Variants in XKR7 observed in about 807,000 individuals in gnomAD.
XKR7 encodes XK-related protein 7.
In XKR7, 11 loss-of-function variants were observed where a neutral mutation model predicts 42.2. The ratio of observed to expected loss-of-function variants is 0.26; its 90% confidence interval spans 0.16 to 0.43. The LOEUF is 0.43. XKR7 is among the 20% of genes least tolerant of loss of function. The pLI is 1.00. For missense variants in XKR7, 710 were observed against 802.2 expected, an observed-to-expected ratio of 0.89 and a Z score of 1.39; for synonymous variants, 346 against 366.4, an observed-to-expected ratio of 0.94 and a Z score of 0.64.
At chr20:31,988,163 G>A (rs147756898) in intron 1 of XKR7, among the ~76,000 whole-genome samples, 1 of 152,278 alleles carries the variant, frequency 6.6e-6, no homozygotes, top group East Asian at 1.9e-4. Flanking sequence ...AGAGACTTGG[G>A]GTGACTCAGG....
At chr20:31,993,226 G>A (rs1353832807) in intron 1 of XKR7, among the ~76,000 whole-genome samples, 1 of 152,048 alleles carries the variant, frequency 6.6e-6, no homozygotes. Context: ...AGAGTTTGGG[G>A]AGCCGGCGGG....
chr20:31,990,313 G>A (rs957149610), intron 1 of XKR7, among the ~76,000 whole-genome samples: 4 of 152,068 alleles, frequency 2.6e-5, no homozygotes, highest in Non-Finnish European at 5.9e-5. Context: ...TTACAGGTGT[G>A]AGCCACTGCA....
In XKR7 at chr20:31,988,904, C is replaced by G. The variant is rs144881896; in HGVS notation, c.585-6164C>G. 7.3e-3 allele frequency among the ~76,000 whole-genome samples: 1,105 copies of G among 152,244 alleles called. 10 individuals carry two copies. Among genetic ancestry groups the G allele is most frequent in the Middle Eastern group, 0.041 (12 of 294 alleles). ...TGTAAGGTCAGGAGGGAGATGCACA[C>G]AGATACTCACATGTATTCATTCAGC... On this transcript the variant is annotated intron_variant, in intron 1 of 2. Transcript: ENST00000562532.
chr20:31,975,435 G>C (rs1342209909), intron 1 of XKR7, among the ~76,000 whole-genome samples: 1 of 152,002 alleles, frequency 6.6e-6, no homozygotes, highest in African/African-American at 2.4e-5. Flanking sequence ...CCCAACACCA[G>C]TTTCCAGTCT....
rs1265267591 is a variant in XKR7 at position 32,001,376 on chromosome 20, C to T, written c.*3919C>T. The T allele has an allele frequency of 6.6e-6, 1 of 152,228 alleles. No individual in the cohort carries two copies. The highest frequency in any genetic ancestry group is 1.9e-4 in the East Asian group (1 of 5,190). 9.4% of individuals were successfully genotyped at this position (152,228 alleles called of 1,614,324 possible). A position where few individuals can be genotyped will look rare whatever the true frequency, so the allele number is the denominator to read the frequency against. ...CAAATGTTTGGGAAACTGCTGGCCA[C>T]TCATATTTGGCCCACGTGCCACCAG... On this transcript the variant is annotated 3_prime_UTR_variant, in exon 3 of 3. Coordinates refer to ENST00000562532, the MANE Select transcript of XKR7 (RefSeq NM_001011718.2).
At chr20:31,981,448 T>G (rs376794868) in intron 1 of XKR7, among the ~76,000 whole-genome samples, 2 of 152,198 alleles carry the variant, frequency 1.3e-5, no homozygotes, top group East Asian at 3.9e-4. Flanking sequence ...TCCCAGCCCT[T>G]TGGGAGGCTG....
chr20:31,996,660 C>G lies in XKR7; in HGVS notation c.943C>G (p.Leu315Val). 1 of 1,598,406 alleles carries G rather than the reference C, an allele frequency of 6.3e-7. No individual in the cohort carries two copies. The highest frequency in any genetic ancestry group is 8.5e-7 in the Non-Finnish European group (1 of 1,170,968). Residue 315 changes from leucine (L) to valine (V), a missense_variant, in exon 3 of 3, where the codon CTG (leucine) becomes GTG (valine). By Grantham distance (32) the Leu-to-Val change is conservative (BLOSUM62 1). Coordinates refer to ENST00000562532, the MANE Select transcript of XKR7 (RefSeq NM_001011718.2). ...WHLFSIAARG[L>V]AFALFASVYK... is the part of the protein sequence containing the mutation. Reference sequence around the variant, plus strand: ...CCTGTTCAGCATTGCCGCCCGCGGCCTGGCCTTCGCGCTCTTCGCCAGCGT... The same window carrying G: ...CCTGTTCAGCATTGCCGCCCGCGGCGTGGCCTTCGCGCTCTTCGCCAGCGT...
At chr20:31,978,511 T>C (rs573962304) in intron 1 of XKR7, among the ~76,000 whole-genome samples, 1 of 152,254 alleles carries the variant, frequency 6.6e-6, no homozygotes, top group African/African-American at 2.4e-5. Context: ...TCTTCAACAA[T>C]TATTGATTCC....
At chr20:31,975,288 G>A (rs2064480194) in intron 1 of XKR7, among the ~76,000 whole-genome samples, 2 of 151,908 alleles carry the variant, frequency 1.3e-5, no homozygotes, top group South Asian at 4.1e-4. Flanking sequence ...TGTCCCTAGA[G>A]CAAGTCCCTG....
At position 31,998,218 on chromosome 20, in the gene XKR7, T is replaced by C. The variant is rs1184672669; in HGVS notation, c.*761T>C. ...GTTGTGTTGTGGGCTCTGTGAAGGATGAAGTTCCACACACCTCAGGTGAAA... is the reference window on the plus strand; with the variant it reads ...GTTGTGTTGTGGGCTCTGTGAAGGACGAAGTTCCACACACCTCAGGTGAAA... On this transcript the variant is annotated 3_prime_UTR_variant, in exon 3 of 3. Transcript: ENST00000562532. 1.3e-5 allele frequency: 2 copies of C among 152,026 alleles called. No homozygotes were observed. The highest frequency in any genetic ancestry group is 1.3e-4 in the Admixed American group (2 of 15,266). The allele number at this position is 152,026 out of a possible 1,614,324, so 9.4% of individuals were successfully genotyped here.
chr20:31,990,933 C>T (rs1265600235), intron 1 of XKR7, among the ~76,000 whole-genome samples: 1 of 152,172 alleles, frequency 6.6e-6, no homozygotes, highest in African/African-American at 2.4e-5. Context: ...CTTTTATCCC[C>T]AGACCACAGT....
rs753295283 is a variant in XKR7 at position 31,996,933 on chromosome 20, C to G, written c.1216C>G (p.Arg406Gly). ...GCTCACCGGCTTCTGGTACTCCAGC[C>G]GCAACTTCTCAACCGACTTCTACTC... ...AALTGFWYSS[R>G]NFSTDFYSLI... The change falls in exon 3 of 3, where the codon CGC becomes GGC. Residue 406 changes from arginine (R) to glycine (G), a missense_variant. Arg to Gly is a moderately radical substitution (Grantham distance 125). Transcript: ENST00000562532. The G allele has an allele frequency of 1.9e-6, 3 of 1,613,952 alleles. No homozygotes were observed. In the African/African-American group the frequency reaches 4.0e-5, roughly 22 times the overall value.
chr20:31,997,234 G>A lies in XKR7; in HGVS notation c.1517G>A (p.Gly506Asp), dbSNP rs111263140. Reference sequence around the variant, plus strand: ...CCACCTGTCTTCCAGGTGCGGCCTGGCTTGCCTCCCACACCAGTGGCCCGC... The same window carrying A: ...CCACCTGTCTTCCAGGTGCGGCCTGACTTGCCTCCCACACCAGTGGCCCGC... The part of the protein sequence containing the change: ...PTPPVFQVRP[G>D]LPPTPVARTL... The change falls in exon 3 of 3, where the codon GGC becomes GAC. Residue 506 changes from glycine (G) to aspartate (D), a missense_variant. Transcript: ENST00000562532. 1 of 1,611,518 alleles carries A rather than the reference G, an allele frequency of 6.2e-7. No homozygotes were observed. The highest frequency in any genetic ancestry group is 8.5e-7 in the Non-Finnish European group (1 of 1,179,826).
intron 1 of XKR7, among the ~76,000 whole-genome samples, chr20:31,976,501 C>G (rs1218534565): frequency 6.6e-6 from 1 of 152,052 alleles, no homozygotes; most frequent in African/African-American, 2.4e-5. Context: ...TCTCCTGCCT[C>G]AGCCTCCCGA....
Position 31,968,171 on chromosome 20 carries a change from C to G in XKR7, c.-5C>G, listed in dbSNP as rs761416688. 127 of 1,177,916 alleles carry G rather than the reference C, an allele frequency of 1.1e-4. No individual in the cohort carries two copies. In the African/African-American group the frequency reaches 2.0e-3, roughly 18 times the overall value. The allele number at this position is 1,177,916 out of a possible 1,614,324, so 73.0% of individuals were successfully genotyped here. A position where few individuals can be genotyped will look rare whatever the true frequency, so the allele number is the denominator to read the frequency against. On this transcript the variant is annotated 5_prime_UTR_variant, in exon 1 of 3. Coordinates refer to ENST00000562532, the MANE Select transcript of XKR7 (RefSeq NM_001011718.2). The surrounding 1 kb of genome is among the most constrained non-coding windows in gnomAD (Gnocchi z 4.5). Reference sequence around the variant, plus strand: ...AAGTCGCTCCCCGCCTCCCTCTCCGCCAACATGGCCGCGAAGTCGGATGGA... The same window carrying G: ...AAGTCGCTCCCCGCCTCCCTCTCCGGCAACATGGCCGCGAAGTCGGATGGA...
chr20:31,974,679 CTG>C (rs988943828), intron 1 of XKR7, among the ~76,000 whole-genome samples: 2 of 152,210 alleles, frequency 1.3e-5, no homozygotes, highest in African/African-American at 4.8e-5. Flanking sequence ...CATTTTCAAA[CTG>C]TGTTTTATAG....
At position 31,997,628 on chromosome 20, in the gene XKR7, C is replaced by T. The variant is rs537324423; in HGVS notation, c.*171C>T. ...AGGGGAGGGGGCAGCCTTGCGGAGG[C>T]CCCAGCCCTGGGCCCCGTTTTCAGC... On this transcript the variant is annotated 3_prime_UTR_variant, in exon 3 of 3. Coordinates refer to ENST00000562532, the MANE Select transcript of XKR7 (RefSeq NM_001011718.2). The T allele has an allele frequency of 9.1e-6, 6 of 657,654 alleles. No homozygotes were observed. The highest frequency in any genetic ancestry group is 5.5e-5 in the African/African-American group (3 of 54,964). 40.7% of individuals were successfully genotyped at this position (657,654 alleles called of 1,614,324 possible).
intron 1 of XKR7, among the ~76,000 whole-genome samples, chr20:31,974,045 T>C (rs2064475321): frequency 6.6e-6 from 1 of 151,858 alleles, no homozygotes. Context: ...ATACAAAAAT[T>C]AGCTGGGCAT....
At position 32,000,287 on chromosome 20, in the gene XKR7, C is replaced by G. The variant is rs1600665511; in HGVS notation, c.*2830C>G. The G allele has an allele frequency of 6.6e-6, 1 of 152,512 alleles. No individual in the cohort carries two copies. The highest frequency in any genetic ancestry group is 6.5e-5 in the Admixed American group (1 of 15,276). 9.4% of individuals were successfully genotyped at this position (152,512 alleles called of 1,614,324 possible). A position where few individuals can be genotyped will look rare whatever the true frequency, so the allele number is the denominator to read the frequency against. On this transcript the variant is annotated 3_prime_UTR_variant, in exon 3 of 3. Coordinates refer to ENST00000562532, the MANE Select transcript of XKR7 (RefSeq NM_001011718.2). ...ATCCCCTTGGAGCTGTTTTGTTTTTCTTTCTGTGACACAATCTACCTCAGC... is the reference window on the plus strand; with the variant it reads ...ATCCCCTTGGAGCTGTTTTGTTTTTGTTTCTGTGACACAATCTACCTCAGC...
Sources: gnomAD v4.1 joint callset for allele counts (sites outside exome capture counted in the v4.1 genomes callset) on GRCh38, gnomAD v4.1.1 for gene constraint, Gnocchi (gnomAD v3.1) non-coding constraint, MANE v1.5 for transcripts, NCBI Gene and HGNC (gene_info 2026-07-23, HGNC 2026-07-21) for gene names.